The following PILRA variants were observed in gnomAD, a reference collection of about 807,000 sequenced individuals.
PILRA encodes paired immunoglobin like type 2 receptor alpha.
A neutral mutation model predicts 33.1 loss-of-function variants in PILRA; 37 were observed. That is an observed-to-expected ratio of 1.12 (90% CI 0.86 to 1.47). The LOEUF (loss-of-function observed/expected upper bound fraction) is 1.47. Among genes scored for constraint, PILRA ranks in the 40% most tolerant of loss-of-function variants. PILRA has a pLI of 0.00. For synonymous variants in PILRA, 146 were observed against 149.9 expected, an observed-to-expected ratio of 0.97 and a Z score of 0.19; for missense variants, 312 against 376.2, an observed-to-expected ratio of 0.83 and a Z score of 1.41.
At chr7:100,371,817 C>G (rs1333878412), upstream of PILRA, among the ~76,000 whole-genome samples, 1 of 152,224 alleles carries the variant, frequency 6.6e-6, no homozygotes, top group African/African-American at 2.4e-5. Context: ...CAGGAGACCT[C>G]ACACCATCCC....
chr7:100,399,759 C>T (rs763736252), intron 6 of PILRA, 26 bp from the exon 7 acceptor site: 2 of 1,610,814 alleles, frequency 1.2e-6, no homozygotes, highest in Non-Finnish European at 1.7e-6. Context: ...CACTGTCTAA[C>T]CCTTTCTCTC....
intron 3 of PILRA, among the ~76,000 whole-genome samples, chr7:100,393,759 G>A (rs984946811): frequency 5.9e-5 from 9 of 151,918 alleles, no homozygotes; most frequent in South Asian, 2.1e-4. Flanking sequence ...AGCCCAAGAC[G>A]GCTGCAAGGA....
At chr7:100,397,938 G>T in intron 4 of PILRA, 26 bp downstream of exon 4, 1 of 1,612,608 alleles carries the variant, frequency 6.2e-7, no homozygotes, top group East Asian at 2.2e-5. Flanking sequence ...CCCCAGGGTG[G>T]GTTGGGGGGT....
At chr7:100,380,843 T>C (rs2130178856) in intron 2 of PILRA, among the ~76,000 whole-genome samples, 1 of 152,244 alleles carries the variant, frequency 6.6e-6, no homozygotes, top group Non-Finnish European at 1.5e-5. Flanking sequence ...TGCTGGTGTG[T>C]ACCTGTAATC....
intron 3 of PILRA, among the ~76,000 whole-genome samples, chr7:100,391,515 C>T (rs1267293152): frequency 5.9e-5 from 9 of 151,918 alleles, no homozygotes; most frequent in Admixed American, 5.2e-4. Flanking sequence ...TGCAAAACCC[C>T]GTATCTACAG....
At chr7:100,399,527 C>T (rs1437545940) in intron 5 of PILRA, 54 bp from the exon 6 acceptor site, 11 of 1,605,502 alleles carry the variant, frequency 6.9e-6, no homozygotes, top group African/African-American at 1.3e-5. Flanking sequence ...GCCCATCTCT[C>T]TCCCCTGGCT....
At chr7:100,379,084 C>T (rs1791019094) in intron 2 of PILRA, among the ~76,000 whole-genome samples, 1 of 143,108 alleles carries the variant, frequency 7.0e-6, no homozygotes, top group African/African-American at 2.6e-5. Context: ...CAGAGCGAGA[C>T]TCTGTCTCAA....
intron 2 of PILRA, among the ~76,000 whole-genome samples, chr7:100,384,764 G>C (rs1457422514): frequency 6.6e-6 from 1 of 152,062 alleles, no homozygotes; most frequent in Admixed American, 6.6e-5. Flanking sequence ...TTCCAGCTTG[G>C]GCGACAGAGG....
intron 3 of PILRA, 35 bp from the exon 4 acceptor site, chr7:100,397,844 G>A: frequency 6.2e-7 from 1 of 1,611,834 alleles, no homozygotes; most frequent in Non-Finnish European, 8.5e-7. Context: ...CCATCACCCG[G>A]ATGCCACCCT....
At position 100,389,501 on chromosome 7, in the gene PILRA, T is replaced by C. The variant is rs569280694; in HGVS notation, c.455-387T>C. Among the ~76,000 whole-genome samples the C allele has an allele frequency of 9.9e-5, 15 of 152,218 alleles. No homozygotes were observed. The Middle Eastern group carries it at 0.014, about 138-fold the overall frequency. On this transcript the variant is annotated intron_variant, in intron 2 of 6. Transcript: ENST00000198536. ...AGGAGATGAGGTTCTGAGGTCACCCTGCTGATAACTGGTATAGAATCGGAT... is the reference window on the plus strand; with the variant it reads ...AGGAGATGAGGTTCTGAGGTCACCCCGCTGATAACTGGTATAGAATCGGAT...
At chr7:100,377,013 C>G (rs1790965062) in intron 2 of PILRA, among the ~76,000 whole-genome samples, 1 of 151,814 alleles carries the variant, frequency 6.6e-6, no homozygotes, top group Admixed American at 6.6e-5. Flanking sequence ...ATCCACCTAC[C>G]TTGGCCTCCC....
Position 100,390,090 on chromosome 7 carries a change from G to T in PILRA, c.657G>T (p.Arg219Ser). 1 of 1,614,024 alleles carries T rather than the reference G, an allele frequency of 6.2e-7. No homozygotes were observed. Among genetic ancestry groups the T allele is most frequent in the Non-Finnish European group, 8.5e-7 (1 of 1,179,920 alleles). ...IMILGLICLL[R>S]WRRRKGQQRT... The stretch of plus-strand genomic sequence containing the variant: ...TTTTGGGACTGATCTGCCTCCTCAG[G>T]TGGAGGAGAAGGAAAGGTAAGTGCC... The change falls in exon 3 of 7, where the codon AGG (arginine) becomes AGT (serine). Residue 219 changes from arginine to serine, a missense_variant. Physicochemically the swap from Arg to Ser is moderately radical, Grantham distance 110 (BLOSUM62 -1). Coordinates refer to ENST00000198536, the MANE Select transcript of PILRA (RefSeq NM_013439.3).
Position 100,396,987 on chromosome 7 carries a change from G to GT in PILRA, c.674-882dup, listed in dbSNP as rs797002359. On this transcript the variant is annotated intron_variant, in intron 3 of 6. Transcript: ENST00000198536. ...ATTCTAGTGTTTTGTTTGTTTTTTT[G>GT]TTTTTTTTTTACCGTAAGTAAAATA... 3.4e-3 allele frequency among the ~76,000 whole-genome samples: 487 copies of GT among 145,172 alleles called. 1 individual carries two copies. The highest frequency in any genetic ancestry group is 4.3e-3 in the Non-Finnish European group (283 of 65,748).
chr7:100,397,646 A>T (rs1584229856), intron 3 of PILRA, among the ~76,000 whole-genome samples: 1 of 151,850 alleles, frequency 6.6e-6, no homozygotes, highest in Non-Finnish European at 1.5e-5. Flanking sequence ...AAACCAAGGG[A>T]GGGGGTCAGG....
intron 2 of PILRA, among the ~76,000 whole-genome samples, chr7:100,388,749 CAAAA>C (rs913179599): frequency 2.3e-4 from 3 of 12,864 alleles, no homozygotes; most frequent in Admixed American, 1.9e-3. Flanking sequence ...GCCTCCGTCT[CAAAA>C]AAAAAAAAAA....
intron 2 of PILRA, among the ~76,000 whole-genome samples, chr7:100,382,302 T>C (rs1791124135): frequency 6.6e-6 from 1 of 152,124 alleles, no homozygotes; most frequent in Non-Finnish European, 1.5e-5. Context: ...CACCAATCAG[T>C]ACCCTGTGTC....
At position 100,397,841 on chromosome 7, in the gene PILRA, C is replaced by T. The variant is rs189415717; in HGVS notation, c.674-38C>T. ...AAGGTGGGATGGAGACTGCCATCAC[C>T]CGGATGCCACCCTGACTCACTGTTG... On this transcript the variant is annotated intron_variant, in intron 3 of 6. Coordinates refer to ENST00000198536, the MANE Select transcript of PILRA (RefSeq NM_013439.3). 2.3e-4 allele frequency: 377 copies of T among 1,608,138 alleles called. 1 individual carries two copies. In the African/African-American group the frequency reaches 4.6e-3, roughly 20 times the overall value.
chr7:100,375,731 C>CAAACAAAT (rs368408075), intron 2 of PILRA, among the ~76,000 whole-genome samples: 163 of 101,924 alleles, frequency 1.6e-3, no homozygotes, highest in African/African-American at 6.4e-3. Context: ...GACTCCGCCT[C>CAAACAAAT]AAACAAACAA....
Position 100,390,056 on chromosome 7 carries a change from G to A in PILRA, c.623G>A (p.Gly208Glu), listed in dbSNP as rs767993117. The change falls in exon 3 of 7, where the codon GGA (glycine) becomes GAA (glutamate). Residue 208 changes from glycine to glutamate, a missense_variant. Physicochemically the swap from Gly to Glu is moderately conservative, Grantham distance 98. Transcript: ENST00000198536. ...VGVAVAVTVL[G>E]IMILGLICLL... Reference sequence around the variant, plus strand: ...GTGGCAGTGGCTGTCACTGTGCTCGGAATCATGATTTTGGGACTGATCTGC... The same window carrying A: ...GTGGCAGTGGCTGTCACTGTGCTCGAAATCATGATTTTGGGACTGATCTGC... The A allele has an allele frequency of 1.2e-6, 2 of 1,614,074 alleles. No homozygotes were observed. Among genetic ancestry groups the A allele is most frequent in the East Asian group, 2.2e-5 (1 of 44,876 alleles).
Sources: allele counts gnomAD v4.1 joint callset (sites outside exome capture counted in the v4.1 genomes callset), GRCh38; gene constraint gnomAD v4.1.1; transcripts MANE v1.5; gene names NCBI Gene and HGNC (gene_info 2026-07-23, HGNC 2026-07-21).